TRIM37: variants seen among roughly 807,000 people sequenced by gnomAD.
The protein encoded by TRIM37 is tripartite motif containing 37, also known as E3 ubiquitin-protein ligase TRIM37.
In TRIM37, 80 loss-of-function variants were observed where a neutral mutation model predicts 129.8. That is an observed-to-expected ratio of 0.62 (90% confidence interval 0.51 to 0.74). TRIM37 has a LOEUF of 0.74. Among genes scored for constraint, TRIM37 ranks in the 30% least tolerant of loss-of-function variants. TRIM37 has a pLI of 0.00. For missense variants in TRIM37, 1,054 were observed against 1,176.5 expected (o/e 0.90, Z 1.52); for synonymous variants, 389 against 387.1 (o/e 1.00, Z -0.06).
the TRIM37 span, among the ~76,000 whole-genome samples, chr17:58,972,435 C>T: frequency 6.6e-6 from 1 of 152,052 alleles, no homozygotes; most frequent in Non-Finnish European, 1.5e-5. Context: ...ACTGCAACCT[C>T]CGCCTCCTGG....
At chr17:59,021,522 C>G (rs556595623) in intron 19 of TRIM37, among the ~76,000 whole-genome samples, 8 of 152,256 alleles carry the variant, frequency 5.3e-5, no homozygotes, top group Admixed American at 5.2e-4. Context: ...TGAAATACAT[C>G]AGGCACAGAA....
chr17:59,035,908 C>A (rs1045122883), intron 17 of TRIM37, among the ~76,000 whole-genome samples: 2 of 152,140 alleles, frequency 1.3e-5, no homozygotes, highest in African/African-American at 4.8e-5. Flanking sequence ...CACTTATATA[C>A]TTGAGTTCAT....
chr17:58,988,254 C>T (rs1416746599), intron 24 of TRIM37, among the ~76,000 whole-genome samples: 1 of 152,144 alleles, frequency 6.6e-6, no homozygotes, highest in Non-Finnish European at 1.5e-5. Context: ...TTTACAATCT[C>T]TACCAGGGGC....
At chr17:58,990,495 GA>G (rs554129113) in intron 24 of TRIM37, among the ~76,000 whole-genome samples, 18 of 132,578 alleles carry the variant, frequency 1.4e-4, no homozygotes, top group East Asian at 4.5e-4. Flanking sequence ...TGTCTCAAAA[GA>G]AAAAAAAAAA....
the TRIM37 span, among the ~76,000 whole-genome samples, chr17:58,975,502 A>T: frequency 6.6e-6 from 1 of 152,146 alleles, no homozygotes; most frequent in Non-Finnish European, 1.5e-5. Flanking sequence ...ACAATCTAAG[A>T]GTGGATAAGG....
chr17:59,004,925 A>C (rs1203607475), intron 22 of TRIM37, among the ~76,000 whole-genome samples: 1 of 151,752 alleles, frequency 6.6e-6, no homozygotes, highest in Non-Finnish European at 1.5e-5. Context: ...CAGCAAAACA[A>C]AAAAACAAAA....
chr17:59,070,718 A>G, intron 9 of TRIM37, 105 bp downstream of exon 9: 3 of 1,276,590 alleles, frequency 2.4e-6, no homozygotes, highest in Admixed American at 2.2e-5. Flanking sequence ...TATAAAAGAA[A>G]AGAGAGAGAG....
At position 59,079,749 on chromosome 17, in the gene TRIM37, C is replaced by T. The variant is rs370108342; in HGVS notation, c.616+5G>A. ...GGTACCCCAGCAGCATACATAAACA[C>T]TTACCCATCAGTGTTATAAGCTTAT... is the stretch of plus-strand genomic sequence containing the variant. On this transcript the variant is annotated splice_donor_5th_base_variant and intron_variant, in intron 7 of 23. Coordinates refer to ENST00000262294, the MANE Select transcript of TRIM37 (RefSeq NM_015294.6). 4.3e-6 allele frequency: 7 copies of T among 1,613,824 alleles called. No individual in the cohort carries two copies. The African/African-American group carries it at 9.3e-5, about 22-fold the overall frequency.
intron 2 of TRIM37, among the ~76,000 whole-genome samples, chr17:59,098,202 G>A (rs1174548994): frequency 2.6e-5 from 4 of 152,176 alleles, no homozygotes; most frequent in Admixed American, 2.0e-4. Flanking sequence ...AGGTAGAATA[G>A]TGGTTAACAG....
At chr17:58,968,682 C>T in the TRIM37 span, among the ~76,000 whole-genome samples, 24 of 152,132 alleles carry the variant, frequency 1.6e-4, no homozygotes, top group Non-Finnish European at 2.8e-4. Flanking sequence ...GAGTTCAGTG[C>T]GTCACAGATC....
At chr17:59,050,218 T>A (rs1056835337) in intron 14 of TRIM37, among the ~76,000 whole-genome samples, 2 of 152,164 alleles carry the variant, frequency 1.3e-5, no homozygotes, top group Non-Finnish European at 2.9e-5. Flanking sequence ...AAATCCAAGA[T>A]AACTTGTGGA....
chr17:59,070,687 G>C, intron 9 of TRIM37, 136 bp downstream of exon 9: 1 of 976,902 alleles, frequency 1.0e-6, no homozygotes, highest in East Asian at 2.9e-5. Context: ...GACCAGCCTG[G>C]GCAACAAGTG....
intron 22 of TRIM37, 161 bp from the exon 23 acceptor site, chr17:59,001,875 C>T (rs1218936994): frequency 3.3e-5 from 34 of 1,015,124 alleles, no homozygotes; most frequent in South Asian, 4.5e-5. Flanking sequence ...CAAAAGTAAC[C>T]GCACAAACCT....
intron 22 of TRIM37, among the ~76,000 whole-genome samples, chr17:59,003,158 T>C (rs1235344043): frequency 6.6e-6 from 1 of 152,224 alleles, no homozygotes; most frequent in Non-Finnish European, 1.5e-5. Flanking sequence ...ATTACAGGCA[T>C]GAGCCACCAT....
chr17:59,070,963 A>C lies in TRIM37; in HGVS notation c.685-16T>G, dbSNP rs2042312966. The C allele has an allele frequency of 1.9e-6, 3 of 1,612,836 alleles. No individual in the cohort carries two copies. Among genetic ancestry groups the C allele is most frequent in the African/African-American group, 2.7e-5 (2 of 74,876 alleles). On this transcript the variant is annotated splice_polypyrimidine_tract_variant and intron_variant, in intron 8 of 23. Transcript: ENST00000262294. ...AAGACCGCAACTGTGTGAGGAAAAA[A>C]ATTATCTGAACAAACAAAATTACTA...
intron 17 of TRIM37, 33 bp from the exon 18 acceptor site, chr17:59,032,123 T>G (rs747332482): frequency 1.9e-6 from 3 of 1,600,256 alleles, no homozygotes; most frequent in Non-Finnish European, 2.6e-6. Flanking sequence ...GATATATATA[T>G]GCACAAACTT....
intron 2 of TRIM37, 24 bp from the exon 3 acceptor site, chr17:59,091,364 T>C (rs755974330): frequency 6.7e-7 from 1 of 1,485,332 alleles, no homozygotes; most frequent in Non-Finnish European, 9.1e-7. Flanking sequence ...AGATTAGATA[T>C]CGATTAGAAA....
intron 2 of TRIM37, among the ~76,000 whole-genome samples, chr17:59,098,741 T>C (rs1398500225): frequency 7.0e-6 from 1 of 143,158 alleles, no homozygotes; most frequent in African/African-American, 2.6e-5. Context: ...ATTAACAGAA[T>C]ACCATATGAC....
intron 16 of TRIM37, among the ~76,000 whole-genome samples, chr17:59,042,449 A>AATATATATATAT (rs71145518): frequency 1.4e-4 from 5 of 36,030 alleles, no homozygotes; most frequent in African/African-American, 5.5e-4. Flanking sequence ...AAAAAAAAAA[A>AATATATATATAT]ATATATATAT....
Sources: gnomAD v4.1 joint callset for allele counts (sites outside exome capture counted in the v4.1 genomes callset) on GRCh38, gnomAD v4.1.1 for gene constraint, MANE v1.5 for transcripts, NCBI Gene and HGNC (gene_info 2026-07-23, HGNC 2026-07-21) for gene names.